Variants in DIS3L2 observed in about 807,000 individuals in gnomAD.
DIS3L2 encodes the protein DIS3 like 3'-5' exoribonuclease 2.
DIS3L2 carries 34 observed loss-of-function variants against 97.5 expected under a neutral mutation model. That is an observed-to-expected ratio of 0.35 (90% confidence interval 0.27 to 0.46). The LOEUF (loss-of-function observed/expected upper bound fraction) is 0.46, where lower values mean the gene tolerates loss of function less well. Ranked by LOEUF, DIS3L2 falls within the 20% of genes least tolerant of loss-of-function variation. The probability of loss-of-function intolerance (pLI) is 1.00; values close to 1 mark genes in which losing one functional copy is unlikely to be tolerated. For synonymous variants in DIS3L2, 435 were observed against 445.2 expected (o/e 0.98, Z 0.29); for missense variants, 1,038 against 1,146.0 (o/e 0.91, Z 1.36).
At chr2:232,244,519 T>C (rs533631789) in intron 11 of DIS3L2, among the ~76,000 whole-genome samples, 5 of 152,330 alleles carry the variant, frequency 3.3e-5, no homozygotes, top group African/African-American at 1.2e-4. Context: ...CAGTTCATGG[T>C]ATCCAGAGGG....
At chr2:232,008,267 A>G (rs988457557) in intron 1 of DIS3L2, among the ~76,000 whole-genome samples, 4 of 151,292 alleles carry the variant, frequency 2.6e-5, no homozygotes, top group African/African-American at 7.3e-5. Flanking sequence ...GGTTCAAGCA[A>G]TCTGCCTGTC....
chr2:231,993,152 C>T (rs917739213), intron 1 of DIS3L2, among the ~76,000 whole-genome samples: 14 of 152,176 alleles, frequency 9.2e-5, no homozygotes, highest in Admixed American at 5.2e-4. Context: ...ATGATCTCTA[C>T]CCCTCTATCC....
At chr2:232,272,538 C>T (rs1318706763) in intron 13 of DIS3L2, among the ~76,000 whole-genome samples, 4 of 152,196 alleles carry the variant, frequency 2.6e-5, no homozygotes, top group Admixed American at 2.0e-4. Context: ...GGAGTACCCA[C>T]GCTGTGAGAG....
Position 232,037,214 on chromosome 2 carries a change from T to C in DIS3L2, c.366+7134T>C, listed in dbSNP as rs937198390. Among the ~76,000 whole-genome samples, 1 of 152,200 alleles carries C rather than the reference T, an allele frequency of 6.6e-6. No individual in the cohort carries two copies. The highest frequency in any genetic ancestry group is 1.5e-5 in the Non-Finnish European group (1 of 68,030). ...AAGCCCCTGACTGGGGCTGCTGCCT[T>C]TCTTTCAGAGATGCCCTATCCAGAG... On this transcript the variant is annotated intron_variant, in intron 5 of 20. Transcript: ENST00000325385. This position sits in a 1 kb window ranked among gnomAD's most constrained non-coding sequence, Gnocchi z 4.6.
chr2:231,991,326 G>A lies in DIS3L2; in HGVS notation c.-93-23509G>A, dbSNP rs367632064. ...CTAACCCTGTCTCCTAGGCTGGAGT[G>A]CAATGGCACTATCATAGCTTACTGC... On this transcript the variant is annotated intron_variant, in intron 1 of 20. Transcript: ENST00000325385. Among the ~76,000 whole-genome samples, 12 of 152,254 alleles carry A rather than the reference G, an allele frequency of 7.9e-5. No homozygotes were observed. The East Asian group carries it at 1.9e-3, about 24-fold the overall frequency.
At chr2:232,174,132 T>C (rs1012568499) in intron 9 of DIS3L2, among the ~76,000 whole-genome samples, 1 of 152,236 alleles carries the variant, frequency 6.6e-6, no homozygotes, top group Non-Finnish European at 1.5e-5. Context: ...GTTTTCAGTA[T>C]ACAAGGCTTC....
chr2:232,327,966 G>T (rs952235746), intron 14 of DIS3L2, among the ~76,000 whole-genome samples: 1 of 152,234 alleles, frequency 6.6e-6, no homozygotes, highest in African/African-American at 2.4e-5. Flanking sequence ...TCTGTGATTT[G>T]TTCAGAATCC....
At position 232,293,021 on chromosome 2, in the gene DIS3L2, C is replaced by T. The variant is rs949359596; in HGVS notation, c.1660-7019C>T. 6.6e-6 allele frequency among the ~76,000 whole-genome samples: 1 copy of T among 152,166 alleles called. No individual in the cohort carries two copies. Among genetic ancestry groups the T allele is most frequent in the African/African-American group, 2.4e-5 (1 of 41,444 alleles). On this transcript the variant is annotated intron_variant, in intron 13 of 20. Coordinates refer to ENST00000325385, the MANE Select transcript of DIS3L2 (RefSeq NM_152383.5). This position sits in a 1 kb window ranked among gnomAD's most constrained non-coding sequence, Gnocchi z 4.6. Reference sequence around the variant, plus strand: ...GAAAGACCTTGTGAAGTCTGAGTGGCTGCCATTCTTGCAGGCTGACTTCCC... The same window carrying T: ...GAAAGACCTTGTGAAGTCTGAGTGGTTGCCATTCTTGCAGGCTGACTTCCC...
chr2:232,329,787 C>CCGGGGGGGCCA, intron 14 of DIS3L2, 26 bp from the exon 15 acceptor site: 2 of 1,062,210 alleles, frequency 1.9e-6, no homozygotes, highest in African/African-American at 1.6e-5. Context: ...CCCAGCGGTC[C>CCGGGGGGGCCA]CTCCCATCCC....
chr2:232,036,937 C>T (rs1694965451), intron 5 of DIS3L2, among the ~76,000 whole-genome samples: 1 of 152,200 alleles, frequency 6.6e-6, no homozygotes, highest in Non-Finnish European at 1.5e-5. Context: ...AGCTGGAGCT[C>T]TCCTGTATGA....
At chr2:232,254,223 G>T (rs549493529) in intron 12 of DIS3L2, among the ~76,000 whole-genome samples, 33 of 151,876 alleles carry the variant, frequency 2.2e-4, no homozygotes, top group South Asian at 4.2e-4. Context: ...ATTATATTTG[G>T]TTTTTATGGC....
intron 10 of DIS3L2, among the ~76,000 whole-genome samples, chr2:232,224,004 C>T (rs933749832): frequency 6.6e-6 from 1 of 152,118 alleles, no homozygotes; most frequent in African/African-American, 2.4e-5. Flanking sequence ...GTGGGAGGAT[C>T]GTTTGAGCCC....
intron 6 of DIS3L2, among the ~76,000 whole-genome samples, chr2:232,116,566 C>G (rs147530060): frequency 4.6e-4 from 70 of 152,238 alleles, no homozygotes; most frequent in African/African-American, 1.5e-3. Context: ...AACAACATGC[C>G]AAGGGAAATC....
At chr2:232,077,784 C>T (rs1352137324) in intron 5 of DIS3L2, among the ~76,000 whole-genome samples, 1 of 152,146 alleles carries the variant, frequency 6.6e-6, no homozygotes, top group Non-Finnish European at 1.5e-5. Context: ...TTAAAAAGTC[C>T]TCAGTTAACC....
intron 6 of DIS3L2, among the ~76,000 whole-genome samples, chr2:232,126,300 C>A (rs892214388): frequency 6.6e-6 from 1 of 152,142 alleles, no homozygotes; most frequent in Non-Finnish European, 1.5e-5. Flanking sequence ...AAAGTATATT[C>A]CGTAGAGAAT....
rs996930368 is a variant in DIS3L2, at chr2:232,314,908, A to G, written c.1739+14789A>G. Among the ~76,000 whole-genome samples, 5 of 152,098 alleles carry G rather than the reference A, an allele frequency of 3.3e-5. No individual in the cohort carries two copies. In the East Asian group the frequency reaches 9.7e-4, roughly 29 times the overall value. On this transcript the variant is annotated intron_variant, in intron 14 of 20. Coordinates refer to ENST00000325385, the MANE Select transcript of DIS3L2 (RefSeq NM_152383.5). ...GAATGACCATTTTTGTTTTCCGTAT[A>G]TCTGTACCTGCCACATCCATACCTT...
intron 8 of DIS3L2, among the ~76,000 whole-genome samples, chr2:232,163,131 C>G (rs1292115193): frequency 1.3e-5 from 2 of 152,092 alleles, no homozygotes; most frequent in Non-Finnish European, 2.9e-5. Flanking sequence ...GATTTAATAG[C>G]ACACTGGATT....
intron 6 of DIS3L2, among the ~76,000 whole-genome samples, chr2:232,117,112 ACT>A (rs1444463667): frequency 6.6e-6 from 1 of 151,728 alleles, no homozygotes; most frequent in Non-Finnish European, 1.5e-5. Flanking sequence ...TGCACCCATG[ACT>A]CTGCAGTTCA....
At chr2:232,191,517 A>G (rs1691618226) in intron 9 of DIS3L2, among the ~76,000 whole-genome samples, 3 of 152,222 alleles carry the variant, frequency 2.0e-5, no homozygotes, top group African/African-American at 4.8e-5. Context: ...AAAAAATCAC[A>G]AGAACCATTT....
Sources: allele counts gnomAD v4.1 joint callset (sites outside exome capture counted in the v4.1 genomes callset), GRCh38; gene constraint gnomAD v4.1.1; non-coding constraint Gnocchi (gnomAD v3.1); transcripts MANE v1.5; gene names NCBI Gene and HGNC (gene_info 2026-07-23, HGNC 2026-07-21).